The following C3orf49 variants were observed in gnomAD, a reference collection of about 807,000 sequenced individuals.
The protein encoded by C3orf49 is chromosome 3 open reading frame 49.
In C3orf49, 27 loss-of-function variants were observed where a neutral mutation model predicts 13.3. That is an observed-to-expected ratio of 2.02 (90% CI 1.49 to 2.79). C3orf49 has a LOEUF of 2.79. Among genes scored for constraint, C3orf49 ranks in the 30% most tolerant of loss-of-function variants. The probability of loss-of-function intolerance (pLI) is 0.00; values close to 1 mark genes in which losing one functional copy is unlikely to be tolerated. For missense variants in C3orf49, 242 were observed against 134.2 expected, an observed-to-expected ratio of 1.80 and a Z score of -3.97; for synonymous variants, 87 against 47.6, an observed-to-expected ratio of 1.83 and a Z score of -3.40.
At chr3:63,810,987 C>T in the C3orf49 span, among the ~76,000 whole-genome samples, 1 of 152,090 alleles carries the variant, frequency 6.6e-6, no homozygotes, top group Non-Finnish European at 1.5e-5. Flanking sequence ...GCTGGAATTA[C>T]AAATGTGCAC....
At chr3:63,842,991 C>T (rs1356122534) in intron 5 of C3orf49, among the ~76,000 whole-genome samples, 2 of 151,846 alleles carry the variant, frequency 1.3e-5, no homozygotes, top group Non-Finnish European at 1.5e-5. Context: ...TTTCACCATG[C>T]TGCCCAGGCT....
At chr3:63,847,047 T>C (rs1701913406) in intron 6 of C3orf49, among the ~76,000 whole-genome samples, 1 of 152,096 alleles carries the variant, frequency 6.6e-6, no homozygotes, top group African/African-American at 2.4e-5. Context: ...CTAGAACGCC[T>C]CCTAGTTTGT....
chr3:63,807,991 C>A, the C3orf49 span, among the ~76,000 whole-genome samples: 1 of 151,508 alleles, frequency 6.6e-6, no homozygotes, highest in South Asian at 2.1e-4. Context: ...AAAGTTCTCA[C>A]GCAACTGAAC....
At chr3:63,803,589 A>G in the C3orf49 span, among the ~76,000 whole-genome samples, 1 of 152,214 alleles carries the variant, frequency 6.6e-6, no homozygotes, top group African/African-American at 2.4e-5. Flanking sequence ...TCATGTTCAC[A>G]TTGGTCCCCT....
intron 3 of C3orf49, among the ~76,000 whole-genome samples, chr3:63,830,755 G>C (rs1013027324): frequency 3.3e-5 from 5 of 152,134 alleles, no homozygotes; most frequent in African/African-American, 7.2e-5. Flanking sequence ...TGAGCTTTCT[G>C]GGGCACTGGT....
At chr3:63,790,763 G>A in the C3orf49 span, among the ~76,000 whole-genome samples, 1 of 152,092 alleles carries the variant, frequency 6.6e-6, no homozygotes, top group East Asian at 1.9e-4. Flanking sequence ...GCAGCTCAGT[G>A]GCCTTTGTTT....
the C3orf49 span, among the ~76,000 whole-genome samples, chr3:63,786,735 A>G: frequency 6.6e-6 from 1 of 152,210 alleles, no homozygotes; most frequent in Admixed American, 6.5e-5. Context: ...CAATAACTCT[A>G]TGTCATAGGT....
the C3orf49 span, among the ~76,000 whole-genome samples, chr3:63,814,198 CAG>C: frequency 6.6e-6 from 1 of 152,126 alleles, no homozygotes; most frequent in African/African-American, 2.4e-5. Context: ...CCTGGCTGAA[CAG>C]AGAGTTAACA....
the C3orf49 span, among the ~76,000 whole-genome samples, chr3:63,794,967 A>G: frequency 2.0e-5 from 3 of 152,148 alleles, no homozygotes; most frequent in African/African-American, 7.2e-5. Flanking sequence ...CAGGTGGGAA[A>G]TTGGCTGTCT....
chr3:63,788,687 A>G, the C3orf49 span, among the ~76,000 whole-genome samples: 1 of 151,998 alleles, frequency 6.6e-6, no homozygotes, highest in Non-Finnish European at 1.5e-5. Context: ...AATCCTCATA[A>G]CAGCCCGGAG....
chr3:63,794,999 C>T, the C3orf49 span, among the ~76,000 whole-genome samples: 2 of 152,140 alleles, frequency 1.3e-5, no homozygotes, highest in East Asian at 3.9e-4. Context: ...GCCTGGTTGC[C>T]GTCCCGTCTC....
At chr3:63,797,979 T>C in the C3orf49 span, among the ~76,000 whole-genome samples, 3 of 152,172 alleles carry the variant, frequency 2.0e-5, no homozygotes, top group Non-Finnish European at 4.4e-5. Flanking sequence ...ACCCCAGAGA[T>C]AGATCATATT....
At chr3:63,825,959 T>A (rs535126940) in intron 2 of C3orf49, among the ~76,000 whole-genome samples, 1 of 152,212 alleles carries the variant, frequency 6.6e-6, no homozygotes, top group East Asian at 1.9e-4. Flanking sequence ...GTCTAAGACA[T>A]AAAGATGGCT....
chr3:63,807,340 C>T, the C3orf49 span, among the ~76,000 whole-genome samples: 1 of 152,114 alleles, frequency 6.6e-6, no homozygotes, highest in Non-Finnish European at 1.5e-5. Context: ...ATTTAATCCT[C>T]ACAACAACCC....
chr3:63,782,928 A>T, the C3orf49 span: 1 of 152,244 alleles, frequency 6.6e-6, no homozygotes, highest in Non-Finnish European at 1.5e-5. Flanking sequence ...CAATTTAATG[A>T]CTATGAGGGG....
chr3:63,783,339 C>G, the C3orf49 span, among the ~76,000 whole-genome samples: 1 of 152,030 alleles, frequency 6.6e-6, no homozygotes, highest in Non-Finnish European at 1.5e-5. Flanking sequence ...CTATGAGATA[C>G]TCTTGACAAA....
chr3:63,783,970 G>A, the C3orf49 span, among the ~76,000 whole-genome samples: 1 of 151,948 alleles, frequency 6.6e-6, no homozygotes, highest in African/African-American at 2.4e-5. Flanking sequence ...AGGAGAGAAT[G>A]GAGAGAATTG....
the C3orf49 span, chr3:63,779,792 G>T: frequency 6.6e-6 from 1 of 152,098 alleles, no homozygotes; most frequent in Non-Finnish European, 1.5e-5. Flanking sequence ...CATACGGTAG[G>T]ATATATAATT....
At chr3:63,786,313 T>C in the C3orf49 span, among the ~76,000 whole-genome samples, 2 of 152,174 alleles carry the variant, frequency 1.3e-5, no homozygotes, top group Admixed American at 1.3e-4. Flanking sequence ...CTTTCAAGTT[T>C]CTATTCTTGA....
Sources: allele counts gnomAD v4.1 joint callset (sites outside exome capture counted in the v4.1 genomes callset), GRCh38; gene constraint gnomAD v4.1.1; transcripts MANE v1.5; gene names NCBI Gene and HGNC (gene_info 2026-07-23, HGNC 2026-07-21).